Variants in TBX15 observed in about 807,000 individuals in gnomAD.
TBX15 encodes the protein T-box transcription factor TBX15.
TBX15 carries 18 observed loss-of-function variants against 53.9 expected under a neutral mutation model. That is an observed-to-expected ratio of 0.33 (90% CI 0.23 to 0.49). TBX15 has a LOEUF of 0.49. Among genes scored for constraint, TBX15 ranks in the 20% least tolerant of loss-of-function variants. The probability of loss-of-function intolerance (pLI) is 0.98; values close to 1 mark genes in which losing one functional copy is unlikely to be tolerated. For missense variants in TBX15, 692 were observed against 749.5 expected (o/e 0.92, Z 0.90); for synonymous variants, 295 against 278.0 (o/e 1.06, Z -0.61).
intron 1 of TBX15, among the ~76,000 whole-genome samples, chr1:118,941,240 G>A (rs1656167298): frequency 6.6e-6 from 1 of 152,126 alleles, no homozygotes; most frequent in African/African-American, 2.4e-5. Context: ...TTCTCCAAAG[G>A]CCTTACAAGC....
In TBX15 at chr1:118,884,650, C is replaced by G; in HGVS notation, c.*82G>C. On this transcript the variant is annotated 3_prime_UTR_variant, in exon 8 of 8. Coordinates refer to ENST00000369429, the MANE Select transcript of TBX15 (RefSeq NM_001330677.2). ...ACACGGTTCCTGTTTTTCAAAGACA[C>G]TGGACTCCCAAAGAGGAGGATCTGA... The G allele has an allele frequency of 3.9e-6, 5 of 1,291,250 alleles. No homozygotes were observed. The South Asian group carries it at 4.9e-5, about 13-fold the overall frequency. 80.0% of individuals were successfully genotyped at this position (1,291,250 alleles called of 1,614,324 possible).
intron 1 of TBX15, among the ~76,000 whole-genome samples, chr1:118,960,752 T>C (rs1385210077): frequency 1.3e-5 from 2 of 152,010 alleles, no homozygotes; most frequent in African/African-American, 4.8e-5. Flanking sequence ...TGTGAGGAAA[T>C]AGGGACAAGC....
chr1:118,923,405 T>C, intron 5 of TBX15, 31 bp downstream of exon 5: 1 of 1,613,320 alleles, frequency 6.2e-7, no homozygotes, highest in Non-Finnish European at 8.5e-7. Context: ...AAAACAGATG[T>C]AGCAGAAGAC....
At position 118,893,590 on chromosome 1, in the gene TBX15, G is replaced by A. The variant is rs1447679764; in HGVS notation, c.1024+5438C>T. Among the ~76,000 whole-genome samples, 5 of 119,700 alleles carry A rather than the reference G, an allele frequency of 4.2e-5. 2 individuals carry two copies. The highest frequency in any genetic ancestry group is 2.7e-4 in the African/African-American group (5 of 18,722). The allele number at this position is 119,700 out of a possible 152,430, so 78.5% of individuals were successfully genotyped here. ...GGAAGGAAGGAAAGAAAGAAAGGAA[G>A]GAAGGAAGGAAAGAAAGAAAGAAAG... On this transcript the variant is annotated intron_variant, in intron 7 of 7. Coordinates refer to ENST00000369429, the MANE Select transcript of TBX15 (RefSeq NM_001330677.2).
chr1:118,979,362 G>C (rs1657562179), intron 1 of TBX15, among the ~76,000 whole-genome samples: 1 of 151,912 alleles, frequency 6.6e-6, no homozygotes, highest in African/African-American at 2.4e-5. Flanking sequence ...TCCACGTCAC[G>C]ATCCCACAGG....
chr1:118,945,659 C>A (rs1232734840), intron 1 of TBX15, among the ~76,000 whole-genome samples: 8 of 152,154 alleles, frequency 5.3e-5, no homozygotes, highest in Non-Finnish European at 4.4e-5. Context: ...ATCATGGCAT[C>A]TAATCCATTC....
chr1:118,909,858 G>A (rs1186605114), intron 6 of TBX15, among the ~76,000 whole-genome samples: 3 of 152,204 alleles, frequency 2.0e-5, no homozygotes, highest in Admixed American at 2.0e-4. Context: ...TGGGATTACA[G>A]GCATGAGCCA....
At chr1:118,910,619 A>T (rs565642039) in intron 6 of TBX15, among the ~76,000 whole-genome samples, 81 of 152,338 alleles carry the variant, frequency 5.3e-4, no homozygotes, top group African/African-American at 1.7e-3. Flanking sequence ...GTGGGTAGCC[A>T]GTGAGAATTA....
At chr1:118,925,128 T>A (rs867580235) in intron 3 of TBX15, among the ~76,000 whole-genome samples, 44 of 152,338 alleles carry the variant, frequency 2.9e-4, no homozygotes, top group Middle Eastern at 3.4e-3. Flanking sequence ...CCTCTCTCCA[T>A]GCCGTGCACC....
At chr1:118,924,262 CA>C (rs1277627256) in intron 4 of TBX15, among the ~76,000 whole-genome samples, 2 of 152,148 alleles carry the variant, frequency 1.3e-5, no homozygotes, top group Non-Finnish European at 2.9e-5. Flanking sequence ...AAATTCTTGA[CA>C]AATTAGCTGA....
At chr1:118,970,564 G>T (rs181867515) in intron 1 of TBX15, among the ~76,000 whole-genome samples, 23 of 152,360 alleles carry the variant, frequency 1.5e-4, no homozygotes, top group Admixed American at 1.4e-3. Context: ...CATAAAAGAA[G>T]AAAGGAAATA....
chr1:118,886,821 A>G (rs1653959516), intron 7 of TBX15, among the ~76,000 whole-genome samples: 1 of 152,214 alleles, frequency 6.6e-6, no homozygotes, highest in Non-Finnish European at 1.5e-5. Context: ...TCCAGAGACC[A>G]CACTTTGGGT....
chr1:118,929,736 A>T (rs1459073587), intron 2 of TBX15, among the ~76,000 whole-genome samples: 1 of 152,190 alleles, frequency 6.6e-6, no homozygotes, highest in African/African-American at 2.4e-5. Flanking sequence ...GCTCAAATGA[A>T]CTCAATTCAC....
At chr1:118,893,257 AGAAAGAAAGGAAGAAGGAAGGAAGGAAG>A in intron 7 of TBX15, among the ~76,000 whole-genome samples, 1 of 139,686 alleles carries the variant, frequency 7.2e-6, no homozygotes, top group Admixed American at 7.8e-5. Flanking sequence ...AAAGAAAGGA[AGAAAGAAAGGAAGAAGGAAGGAAGGAAG>A]GAAGGAAGGA....
chr1:118,903,093 T>C (rs1435981532), intron 6 of TBX15, among the ~76,000 whole-genome samples: 2 of 152,118 alleles, frequency 1.3e-5, no homozygotes, highest in Non-Finnish European at 2.9e-5. Context: ...ATTTTTTCCC[T>C]GTTAGCTCCA....
chr1:118,953,191 T>C (rs1571201784), intron 1 of TBX15, among the ~76,000 whole-genome samples: 1 of 152,364 alleles, frequency 6.6e-6, no homozygotes, highest in East Asian at 1.9e-4. Flanking sequence ...ATTTCTTAGG[T>C]TGTCCTCTGA....
Position 118,988,080 on chromosome 1 carries a change from G to T in TBX15, c.-285C>A. ...GCCCGAGTCCTGCTTCCCACCCACCGGGGCAGGCGCTCACAGACTGTGTCC... is the reference window on the plus strand; with the variant it reads ...GCCCGAGTCCTGCTTCCCACCCACCTGGGCAGGCGCTCACAGACTGTGTCC... On this transcript the variant is annotated 5_prime_UTR_variant, in exon 1 of 8. Transcript: ENST00000369429. 1.9e-6 allele frequency: 1 copy of T among 521,124 alleles called. No homozygotes were observed. The highest frequency in any genetic ancestry group is 3.4e-6 in the Non-Finnish European group (1 of 294,144). 32.3% of individuals were successfully genotyped at this position (521,124 alleles called of 1,614,324 possible).
chr1:118,924,905 A>G lies in TBX15; in HGVS notation c.522-88T>C. On this transcript the variant is annotated intron_variant, in intron 3 of 7. Transcript: ENST00000369429. The stretch of plus-strand genomic sequence containing the variant: ...GAAACAAGTTGAGACAGGGGAAAGG[A>G]GAGAAAAACAAAGAGATTACATGAA... 2.1e-6 allele frequency: 3 copies of G among 1,433,468 alleles called. No individual in the cohort carries two copies. The Admixed American group carries it at 5.1e-5, about 24-fold the overall frequency. The allele number at this position is 1,433,468 out of a possible 1,614,324, so 88.8% of individuals were successfully genotyped here.
rs995175666 is a variant in TBX15, at chr1:118,889,529, C to T, written c.1025-4013G>A. On this transcript the variant is annotated intron_variant, in intron 7 of 7. Transcript: ENST00000369429. The stretch of plus-strand genomic sequence containing the variant: ...ACTCTCTTCCCTGTGCCCTCCTCCC[C>T]TCTGTACCTGCCAGGTCCCGAGTGC... Among the ~76,000 whole-genome samples the T allele has an allele frequency of 3.9e-5, 6 of 152,280 alleles. No individual in the cohort carries two copies. In the East Asian group the frequency reaches 1.2e-3, roughly 29 times the overall value.
Sources: gnomAD v4.1 joint callset for allele counts (sites outside exome capture counted in the v4.1 genomes callset) on GRCh38, gnomAD v4.1.1 for gene constraint, MANE v1.5 for transcripts, NCBI Gene and HGNC (gene_info 2026-07-23, HGNC 2026-07-21) for gene names.